The following CDNF variants were observed in gnomAD, a reference collection of about 807,000 sequenced individuals.
The protein encoded by CDNF is ARMET-like protein 1.
A neutral mutation model predicts 14.8 loss-of-function variants in CDNF; 9 were observed. The observed-to-expected ratio is 0.61, with a 90% CI of 0.37 to 1.06. CDNF has a LOEUF of 1.06. Among genes scored for constraint, CDNF ranks in the 50% least tolerant of loss-of-function variants. The probability of loss-of-function intolerance (pLI) is 0.01; values close to 1 mark genes in which losing one functional copy is unlikely to be tolerated. For synonymous variants in CDNF, 86 were observed against 87.2 expected, an observed-to-expected ratio of 0.99 and a Z score of 0.07; for missense variants, 228 against 228.4, an observed-to-expected ratio of 1.00 and a Z score of 0.01.
chr10:14,825,753 C>T, intron 2 of CDNF, 133 bp from the exon 3 acceptor site: 2 of 939,516 alleles, frequency 2.1e-6, no homozygotes, highest in East Asian at 5.0e-5. Flanking sequence ...AATCCCAGCA[C>T]TTTGGGAGGT....
chr10:14,831,864 G>A (rs980168963), intron 1 of CDNF, among the ~76,000 whole-genome samples: 8 of 152,078 alleles, frequency 5.3e-5, no homozygotes, highest in Admixed American at 1.3e-4. Context: ...GTGAGCCACC[G>A]TGCCTAGCCC....
intron 3 of CDNF, among the ~76,000 whole-genome samples, chr10:14,822,005 A>C (rs117718719): frequency 0.032 from 4,856 of 152,322 alleles, 143 homozygotes; most frequent in Non-Finnish European, 0.039. Flanking sequence ...AATGTAAAGA[A>C]ATGCAAACAC....
chr10:14,826,061 G>C lies in CDNF; in HGVS notation c.244-441C>G, dbSNP rs1185139286. ...AGAAGAAGAAGAAGAAGAAGAAGAA[G>C]AAGAAGAAGAAGAAGAAGAAGAAGA... On this transcript the variant is annotated intron_variant, in intron 2 of 3. Coordinates refer to ENST00000465530, the MANE Select transcript of CDNF (RefSeq NM_001029954.3). 1.0e-3 allele frequency among the ~76,000 whole-genome samples: 137 copies of C among 137,238 alleles called. 6 individuals are homozygous for C. Among genetic ancestry groups the C allele is most frequent in the African/African-American group, 3.7e-3 (126 of 34,176 alleles). 90.0% of individuals were successfully genotyped at this position (137,238 alleles called of 152,430 possible). A position where few individuals can be genotyped will look rare whatever the true frequency, so the allele number is the denominator to read the frequency against.
intron 1 of CDNF, among the ~76,000 whole-genome samples, chr10:14,834,488 T>C (rs1833870458): frequency 6.6e-6 from 1 of 152,244 alleles, no homozygotes; most frequent in South Asian, 2.1e-4. Flanking sequence ...ATGATTTCTA[T>C]ACCTCAACTA....
intron 1 of CDNF, among the ~76,000 whole-genome samples, chr10:14,836,010 T>C (rs906245107): frequency 8.5e-5 from 13 of 152,252 alleles, no homozygotes; most frequent in African/African-American, 3.1e-4. Context: ...TTTTAAAATG[T>C]ACCCAGTGAA....
chr10:14,830,107 G>A (rs542829053), intron 1 of CDNF, among the ~76,000 whole-genome samples: 1 of 152,312 alleles, frequency 6.6e-6, no homozygotes, highest in Admixed American at 6.5e-5. Flanking sequence ...GTATTTCTCA[G>A]GGACTAAGGG....
intron 2 of CDNF, among the ~76,000 whole-genome samples, 180 bp from the exon 3 acceptor site, chr10:14,825,800 A>C (rs1002605329): frequency 1.3e-5 from 2 of 151,912 alleles, no homozygotes; most frequent in Admixed American, 6.6e-5. Context: ...GGAGTTCTAG[A>C]CCAGCCTGGT....
intron 3 of CDNF, among the ~76,000 whole-genome samples, chr10:14,823,116 T>C (rs1833751285): frequency 1.3e-5 from 2 of 152,242 alleles, no homozygotes; most frequent in South Asian, 2.1e-4. Flanking sequence ...AATCTTATCT[T>C]TCCTGCTAAC....
intron 1 of CDNF, 100 bp downstream of exon 1, chr10:14,837,732 G>A (rs962063991): frequency 2.1e-5 from 14 of 667,408 alleles, no homozygotes; most frequent in Non-Finnish European, 3.0e-5. Flanking sequence ...TTTCCTGGGC[G>A]GAATGTTATT....
chr10:14,828,112 C>T, intron 2 of CDNF, 33 bp downstream of exon 2: 1 of 1,610,394 alleles, frequency 6.2e-7, no homozygotes, highest in Admixed American at 1.7e-5. Context: ...TCTTCAAGCA[C>T]ATGGGGAAAA....
At chr10:14,833,100 T>C (rs375308558) in intron 1 of CDNF, among the ~76,000 whole-genome samples, 4 of 152,084 alleles carry the variant, frequency 2.6e-5, no homozygotes, top group African/African-American at 9.7e-5. Flanking sequence ...CCTTAGGTGA[T>C]CTGCCTGCCT....
chr10:14,828,065 G>T, intron 2 of CDNF, 80 bp downstream of exon 2: 1 of 1,416,628 alleles, frequency 7.1e-7, no homozygotes, highest in Non-Finnish European at 9.8e-7. Flanking sequence ...GTAAGTAGGA[G>T]GACTTCACGT....
rs34308438 is a variant in CDNF, at chr10:14,827,052, CAAAAAAA to C, written c.243+1086_243+1092del. Among the ~76,000 whole-genome samples, 357 of 74,654 alleles carry C rather than the reference CAAAAAAA, an allele frequency of 4.8e-3. 1 individual carries two copies. Among genetic ancestry groups the C allele is most frequent in the African/African-American group, 0.017 (337 of 20,298 alleles). The allele number at this position is 74,654 out of a possible 152,430, so 49.0% of individuals were successfully genotyped here. The stretch of plus-strand genomic sequence containing the variant: ...GCTACAAGGCCAAACCCCGTCTCTA[CAAAAAAA>C]AAAAAAAAAAAAAAAAAATCCAAAA... On this transcript the variant is annotated intron_variant, in intron 2 of 3. Coordinates refer to ENST00000465530, the MANE Select transcript of CDNF (RefSeq NM_001029954.3).
At chr10:14,823,590 A>T (rs1833755633) in intron 3 of CDNF, among the ~76,000 whole-genome samples, 1 of 152,154 alleles carries the variant, frequency 6.6e-6, no homozygotes, top group Non-Finnish European at 1.5e-5. Flanking sequence ...ACAGTGAAAA[A>T]AATCACAGCT....
intron 3 of CDNF, 49 bp from the exon 4 acceptor site, chr10:14,820,207 A>C: frequency 6.4e-7 from 1 of 1,572,374 alleles, no homozygotes; most frequent in Non-Finnish European, 8.7e-7. Context: ...ATGGAAAAAA[A>C]ATCCCTATGA....
At position 14,825,501 on chromosome 10, in the gene CDNF, G is replaced by T. The variant is rs139150625; in HGVS notation, c.363C>A (p.Ser121Arg). 3.1e-5 allele frequency: 50 copies of T among 1,614,024 alleles called. No homozygotes were observed. The African/African-American group carries it at 5.9e-4, about 19-fold the overall frequency. The change falls in exon 3 of 4, where the codon AGC becomes AGA. Residue 121 changes from serine to arginine, a missense_variant. Physicochemically the swap from Ser to Arg is moderately radical, Grantham distance 110. Transcript: ENST00000465530. ...KICEKLKKLD[S>R]QICELKYEKT... ...TACCATATTTCAGCTCACAGATCTG[G>T]CTATCCAACTTCTTCAGCTTCTCAC... is the stretch of plus-strand genomic sequence containing the variant.
At chr10:14,825,695 C>T in intron 2 of CDNF, 75 bp from the exon 3 acceptor site, 3 of 1,489,354 alleles carry the variant, frequency 2.0e-6, no homozygotes, top group Admixed American at 1.8e-5. Context: ...TGAAGGAATA[C>T]AGTATCAAGA....
rs147675770 is a variant in CDNF at position 14,819,799 on chromosome 10, G to C, written c.*181C>G. The C allele has an allele frequency of 2.8e-5, 16 of 567,666 alleles. No individual in the cohort carries two copies. The highest frequency in any genetic ancestry group is 5.1e-4 in the Middle Eastern group (1 of 1,978). 35.2% of individuals were successfully genotyped at this position (567,666 alleles called of 1,614,324 possible). Reference sequence around the variant, plus strand: ...AGCTTTTGGTACACTGCAAATGTAAGTTATCAGTAGTATTAGTTTCACTCA... The same window carrying C: ...AGCTTTTGGTACACTGCAAATGTAACTTATCAGTAGTATTAGTTTCACTCA... On this transcript the variant is annotated 3_prime_UTR_variant, in exon 4 of 4. Coordinates refer to ENST00000465530, the MANE Select transcript of CDNF (RefSeq NM_001029954.3).
At chr10:14,828,527 G>C (rs946304154) in intron 1 of CDNF, among the ~76,000 whole-genome samples, 14 of 150,764 alleles carry the variant, frequency 9.3e-5, no homozygotes, top group Admixed American at 2.6e-4. Flanking sequence ...CGTGCCTATA[G>C]TCCCAGCTAC....
Sources: gnomAD v4.1 joint callset for allele counts (sites outside exome capture counted in the v4.1 genomes callset) on GRCh38, gnomAD v4.1.1 for gene constraint, MANE v1.5 for transcripts, NCBI Gene and HGNC (gene_info 2026-07-23, HGNC 2026-07-21) for gene names.